The following OR1J2 variants were observed in gnomAD, a reference collection of about 807,000 sequenced individuals.
The protein encoded by OR1J2 is olfactory receptor 1J2.
For missense variants in OR1J2, 304 were observed against 246.1 expected, an observed-to-expected ratio of 1.24 and a Z score of -1.57; for synonymous variants, 142 against 99.7, an observed-to-expected ratio of 1.42 and a Z score of -2.52.
chr9:122,473,479 T>C, the OR1J2 span, among the ~76,000 whole-genome samples: 1 of 152,214 alleles, frequency 6.6e-6, no homozygotes, highest in East Asian at 1.9e-4. Flanking sequence ...TATAGTAATA[T>C]AACTGACCCC....
chr9:122,552,072 C>CTG, the OR1J2 span, among the ~76,000 whole-genome samples: 6 of 145,792 alleles, frequency 4.1e-5, no homozygotes, highest in South Asian at 2.2e-4. Context: ...CTCTCTCTCT[C>CTG]TCTCTCTCAC....
At chr9:122,507,036 T>C (rs898845033), upstream of OR1J2, among the ~76,000 whole-genome samples, 1 of 152,208 alleles carries the variant, frequency 6.6e-6, no homozygotes, top group Non-Finnish European at 1.5e-5. Context: ...TTTGGGATAA[T>C]TTTTCTTTGA....
At chr9:122,478,710 C>T in the OR1J2 span, among the ~76,000 whole-genome samples, 8 of 152,158 alleles carry the variant, frequency 5.3e-5, no homozygotes, top group Middle Eastern at 6.8e-3. Context: ...AATCATAATA[C>T]GAAGTAAGCA....
At chr9:122,506,726 A>C (rs1828528370), upstream of OR1J2, among the ~76,000 whole-genome samples, 1 of 152,196 alleles carries the variant, frequency 6.6e-6, no homozygotes, top group Non-Finnish European at 1.5e-5. Context: ...GAATGTAAAA[A>C]GACACACACA....
chr9:122,556,049 C>T, the OR1J2 span, among the ~76,000 whole-genome samples: 1 of 152,170 alleles, frequency 6.6e-6, no homozygotes, highest in Non-Finnish European at 1.5e-5. Flanking sequence ...TCCCCATAAC[C>T]CTGTGGTAAC....
the OR1J2 span, among the ~76,000 whole-genome samples, chr9:122,505,650 T>C: frequency 6.6e-6 from 1 of 152,198 alleles, no homozygotes; most frequent in African/African-American, 2.4e-5. Context: ...TATCTCAAGC[T>C]ATAAATACTT....
At chr9:122,510,454 G>A (rs1828610223), upstream of OR1J2, among the ~76,000 whole-genome samples, 1 of 151,940 alleles carries the variant, frequency 6.6e-6, no homozygotes, top group South Asian at 2.1e-4. Flanking sequence ...AAAAATATGA[G>A]AAGCAGGTTA....
chr9:122,553,351 T>C, the OR1J2 span: 183 of 1,613,928 alleles, frequency 1.1e-4, no homozygotes, highest in Middle Eastern at 1.6e-4. Context: ...GGGAACCTGC[T>C]CATTATCCTG....
At chr9:122,579,869 A>G in the OR1J2 span, among the ~76,000 whole-genome samples, 4,021 of 152,272 alleles carry the variant, frequency 0.026, 122 homozygotes, top group African/African-American at 0.071. Context: ...TTATAGAATC[A>G]CAGGCTCTAG....
chr9:122,572,018 T>A, the OR1J2 span, among the ~76,000 whole-genome samples: 2 of 152,268 alleles, frequency 1.3e-5, no homozygotes, highest in East Asian at 3.9e-4. Flanking sequence ...TCAGGAAACT[T>A]TTATTCATGG....
the OR1J2 span, among the ~76,000 whole-genome samples, chr9:122,579,398 C>G: frequency 6.6e-6 from 1 of 152,078 alleles, no homozygotes; most frequent in Non-Finnish European, 1.5e-5. Flanking sequence ...TATCCCTTGT[C>G]TGGAGATTGC....
chr9:122,502,725 A>T, the OR1J2 span, among the ~76,000 whole-genome samples: 8 of 152,044 alleles, frequency 5.3e-5, no homozygotes, highest in South Asian at 2.1e-4. Flanking sequence ...CAAATGATTA[A>T]GGAGTAACCA....
chr9:122,567,662 G>C, the OR1J2 span: 1 of 1,614,036 alleles, frequency 6.2e-7, no homozygotes, highest in Non-Finnish European at 8.5e-7. Flanking sequence ...TTGTTGCCAC[G>C]TGGTCCTTGA....
the OR1J2 span, among the ~76,000 whole-genome samples, chr9:122,498,943 A>G: frequency 5.9e-5 from 9 of 152,232 alleles, no homozygotes; most frequent in Middle Eastern, 3.4e-3. Flanking sequence ...GGCAGATTTT[A>G]TATTGGGCTG....
At chr9:122,538,454 T>C in the OR1J2 span, among the ~76,000 whole-genome samples, 1 of 148,712 alleles carries the variant, frequency 6.7e-6, no homozygotes, top group Non-Finnish European at 1.5e-5. Context: ...TGTATAGAGA[T>C]GCAACTGATT....
the OR1J2 span, chr9:122,519,279 C>T: frequency 6.2e-7 from 1 of 1,614,052 alleles, no homozygotes; most frequent in Non-Finnish European, 8.5e-7. Flanking sequence ...GCTCATCATC[C>T]TGCTCATCCG....
the OR1J2 span, among the ~76,000 whole-genome samples, chr9:122,456,841 T>TA: frequency 1.3e-5 from 2 of 152,154 alleles, no homozygotes; most frequent in African/African-American, 4.8e-5. Context: ...GAACCAGAAA[T>TA]ATCATTTGGA....
At chr9:122,553,984 T>C in the OR1J2 span, 3 of 1,613,668 alleles carry the variant, frequency 1.9e-6, no homozygotes, top group South Asian at 3.3e-5. Flanking sequence ...TATGGGTCTC[T>C]TATGGGTGTG....
the OR1J2 span, among the ~76,000 whole-genome samples, chr9:122,544,608 C>T: frequency 6.6e-6 from 1 of 152,048 alleles, no homozygotes; most frequent in East Asian, 1.9e-4. Context: ...TTAGTAAAGA[C>T]AGGGTTTCTC....
Sources: allele counts gnomAD v4.1 joint callset (sites outside exome capture counted in the v4.1 genomes callset), GRCh38; gene constraint gnomAD v4.1.1; transcripts MANE v1.5; gene names NCBI Gene and HGNC (gene_info 2026-07-23, HGNC 2026-07-21).